SH2B3: variants seen among roughly 807,000 people sequenced by gnomAD.
SH2B3 encodes the protein SH2B adaptor protein 3.
SH2B3 carries 43 observed loss-of-function variants against 51.9 expected under a neutral mutation model. That is an observed-to-expected ratio of 0.83 (90% CI 0.65 to 1.07). SH2B3 has a LOEUF of 1.07. Among genes scored for constraint, SH2B3 ranks in the 50% least tolerant of loss-of-function variants. The probability of loss-of-function intolerance (pLI) is 0.00; values close to 1 mark genes in which losing one functional copy is unlikely to be tolerated. For synonymous variants in SH2B3, 396 were observed against 376.0 expected (o/e 1.05, Z -0.62); for missense variants, 952 against 834.3 (o/e 1.14, Z -1.74).
Position 111,406,468 on chromosome 12 carries a change from C to T in SH2B3, c.-28+191C>T, listed in dbSNP as rs1870255356. Among the ~76,000 whole-genome samples, 1 of 152,206 alleles carries T rather than the reference C, an allele frequency of 6.6e-6. No individual in the cohort carries two copies. Among genetic ancestry groups the T allele is most frequent in the Non-Finnish European group, 1.5e-5 (1 of 68,016 alleles). On this transcript the variant is annotated intron_variant, in intron 1 of 7. Coordinates refer to ENST00000341259, the MANE Select transcript of SH2B3 (RefSeq NM_005475.3). The surrounding 1 kb of genome is among the most constrained non-coding windows in gnomAD (Gnocchi z 5.7). ...CAGCGCCTACGACCCCCCACTCAGC[C>T]ACTACCCCCACCCACACACGTGTTA...
chr12:111,448,704 G>A lies in SH2B3; in HGVS notation c.*402G>A, dbSNP rs1339557422. The A allele has an allele frequency of 2.9e-5, 6 of 208,146 alleles. No homozygotes were observed. The highest frequency in any genetic ancestry group is 5.9e-5 in the Non-Finnish European group (6 of 101,042). The allele number at this position is 208,146 out of a possible 1,614,324, so 12.9% of individuals were successfully genotyped here. On this transcript the variant is annotated 3_prime_UTR_variant, in exon 8 of 8. Coordinates refer to ENST00000341259, the MANE Select transcript of SH2B3 (RefSeq NM_005475.3). ...TACGGGGAGGAGGGGGGGATCATCA[G>A]GAAGCCCAGAACACTAACAAGCGGT...
chr12:111,441,982 A>G (rs955813097), intron 2 of SH2B3, among the ~76,000 whole-genome samples: 1 of 151,990 alleles, frequency 6.6e-6, no homozygotes, highest in African/African-American at 2.4e-5. Flanking sequence ...ACCAGTCTAG[A>G]GTACAGTGGT....
At chr12:111,446,092 C>T (rs1322048477) in intron 2 of SH2B3, among the ~76,000 whole-genome samples, 4 of 152,200 alleles carry the variant, frequency 2.6e-5, no homozygotes, top group African/African-American at 4.8e-5. Context: ...TTTCTTCTTT[C>T]GGCCATCTTT....
In SH2B3 at chr12:111,418,059, C is replaced by A. The variant is rs1871209231; in HGVS notation, c.-27-60C>A. The A allele has an allele frequency of 2.3e-6, 3 of 1,289,508 alleles. No homozygotes were observed. Among genetic ancestry groups the A allele is most frequent in the South Asian group, 1.5e-5 (1 of 66,824 alleles). 79.9% of individuals were successfully genotyped at this position (1,289,508 alleles called of 1,614,324 possible). A position where few individuals can be genotyped will look rare whatever the true frequency, so the allele number is the denominator to read the frequency against. On this transcript the variant is annotated intron_variant, in intron 1 of 7. Transcript: ENST00000341259. The surrounding 1 kb of genome is among the most constrained non-coding windows in gnomAD (Gnocchi z 6.7). The stretch of plus-strand genomic sequence containing the variant: ...CTGTGGTGCCCGGTGTGTAATGGGG[C>A]CTACACCTGCTTGCCCACCTGCTTA...
chr12:111,436,778 C>T (rs1277945380), intron 2 of SH2B3, among the ~76,000 whole-genome samples: 3 of 151,840 alleles, frequency 2.0e-5, no homozygotes, highest in African/African-American at 7.3e-5. Context: ...GTGTCTGTGT[C>T]CCTGTGATTC....
At chr12:111,441,942 T>C (rs2095275836) in intron 2 of SH2B3, among the ~76,000 whole-genome samples, 1 of 152,098 alleles carries the variant, frequency 6.6e-6, no homozygotes, top group African/African-American at 2.4e-5. Flanking sequence ...AGGAATTTTT[T>C]TTTTTTTAAG....
chr12:111,439,243 G>A (rs565100607), intron 2 of SH2B3, among the ~76,000 whole-genome samples: 259 of 151,654 alleles, frequency 1.7e-3, no homozygotes, highest in South Asian at 2.1e-3. Flanking sequence ...TCTGCCTCCT[G>A]GGTTCAAGCG....
At chr12:111,413,639 G>A (rs534265527) in intron 1 of SH2B3, among the ~76,000 whole-genome samples, 2 of 152,338 alleles carry the variant, frequency 1.3e-5, no homozygotes, top group East Asian at 1.9e-4. Flanking sequence ...CCCAGGGGGC[G>A]GGGGAGGTTG....
intron 2 of SH2B3, among the ~76,000 whole-genome samples, chr12:111,431,852 C>T (rs186394164): frequency 1.3e-5 from 2 of 152,316 alleles, no homozygotes; most frequent in East Asian, 3.9e-4. Flanking sequence ...ACAGTCCTCC[C>T]GCCTAGGTCT....
In SH2B3 at chr12:111,435,560, T is replaced by C. The variant is rs1001950058; in HGVS notation, c.733-11193T>C. On this transcript the variant is annotated intron_variant, in intron 2 of 7. Coordinates refer to ENST00000341259, the MANE Select transcript of SH2B3 (RefSeq NM_005475.3). The surrounding 1 kb of genome is among the most constrained non-coding windows in gnomAD (Gnocchi z 4.8). ...TTTTAGTAGAGGCAGGGTTTCACCATGTTGGCCAGGCTGGTCTCGAACTCC... is the reference window on the plus strand; with the variant it reads ...TTTTAGTAGAGGCAGGGTTTCACCACGTTGGCCAGGCTGGTCTCGAACTCC... Among the ~76,000 whole-genome samples, 3 of 152,172 alleles carry C rather than the reference T, an allele frequency of 2.0e-5. No individual in the cohort carries two copies. Among genetic ancestry groups the C allele is most frequent in the Non-Finnish European group, 4.4e-5 (3 of 68,020 alleles).
intron 1 of SH2B3, among the ~76,000 whole-genome samples, chr12:111,408,530 C>A (rs1238542848): frequency 6.6e-6 from 1 of 152,226 alleles, no homozygotes. Context: ...CGCTGTGCCA[C>A]CCCCAGACAT....
intron 2 of SH2B3, among the ~76,000 whole-genome samples, chr12:111,426,161 T>C (rs1222202956): frequency 6.6e-6 from 1 of 152,104 alleles, no homozygotes; most frequent in Non-Finnish European, 1.5e-5. Flanking sequence ...GGCCTCTGCA[T>C]GGTGTTCCTT....
At position 111,435,568 on chromosome 12, in the gene SH2B3, A is replaced by G. The variant is rs1872796859; in HGVS notation, c.733-11185A>G. Among the ~76,000 whole-genome samples, 1 of 152,176 alleles carries G rather than the reference A, an allele frequency of 6.6e-6. No individual in the cohort carries two copies. The highest frequency in any genetic ancestry group is 1.5e-5 in the Non-Finnish European group (1 of 68,034). Reference sequence around the variant, plus strand: ...GAGGCAGGGTTTCACCATGTTGGCCAGGCTGGTCTCGAACTCCTGACCTCA... The same window carrying G: ...GAGGCAGGGTTTCACCATGTTGGCCGGGCTGGTCTCGAACTCCTGACCTCA... On this transcript the variant is annotated intron_variant, in intron 2 of 7. Coordinates refer to ENST00000341259, the MANE Select transcript of SH2B3 (RefSeq NM_005475.3). This position sits in a 1 kb window ranked among gnomAD's most constrained non-coding sequence, Gnocchi z 4.8.
intron 2 of SH2B3, among the ~76,000 whole-genome samples, chr12:111,424,620 C>A (rs926081837): frequency 3.3e-5 from 5 of 152,032 alleles, no homozygotes; most frequent in African/African-American, 1.2e-4. Context: ...GTGGTTGCTG[C>A]GGGGCCTGGG....
Position 111,409,775 on chromosome 12 carries a change from C to T in SH2B3, c.-28+3498C>T, listed in dbSNP as rs746352889. On this transcript the variant is annotated intron_variant, in intron 1 of 7. Transcript: ENST00000341259. The surrounding 1 kb of genome is among the most constrained non-coding windows in gnomAD (Gnocchi z 4.0). Reference sequence around the variant, plus strand: ...CATCTGCTCAATGGGGCCCTGCTGCCGGGGTGACAAGCATCCCTCTACCAG... The same window carrying T: ...CATCTGCTCAATGGGGCCCTGCTGCTGGGGTGACAAGCATCCCTCTACCAG... Among the ~76,000 whole-genome samples the T allele has an allele frequency of 9.2e-5, 14 of 152,194 alleles. No individual in the cohort carries two copies. Among genetic ancestry groups the T allele is most frequent in the Non-Finnish European group, 1.8e-4 (12 of 68,020 alleles).
At chr12:111,444,741 G>A (rs1873763533) in intron 2 of SH2B3, 4 of 985,570 alleles carry the variant, frequency 4.1e-6, no homozygotes, top group South Asian at 4.7e-5. Context: ...CCCTGCAGTG[G>A]CCAGAGCCTG....
In SH2B3 at chr12:111,409,142, G is replaced by C. The variant is rs759578042; in HGVS notation, c.-28+2865G>C. 6.6e-6 allele frequency among the ~76,000 whole-genome samples: 1 copy of C among 152,100 alleles called. No individual in the cohort carries two copies. The highest frequency in any genetic ancestry group is 1.5e-5 in the Non-Finnish European group (1 of 68,024). On this transcript the variant is annotated intron_variant, in intron 1 of 7. Coordinates refer to ENST00000341259, the MANE Select transcript of SH2B3 (RefSeq NM_005475.3). This position sits in a 1 kb window ranked among gnomAD's most constrained non-coding sequence, Gnocchi z 4.0. ...AAGCCAAGAGTTCCAGCCTCCCCAG[G>C]GTTGGGTGTGTGAAGTACAGTGTCA...
At chr12:111,415,055 T>C (rs1260420712) in intron 1 of SH2B3, among the ~76,000 whole-genome samples, 13 of 152,202 alleles carry the variant, frequency 8.5e-5, no homozygotes, top group African/African-American at 2.9e-4. Context: ...TGGCACACAG[T>C]AGGCCCTCAG....
In SH2B3 at chr12:111,446,741, T is replaced by G. The variant is rs368170636; in HGVS notation, c.733-12T>G. 6.7e-7 allele frequency: 1 copy of G among 1,494,520 alleles called. No individual in the cohort carries two copies. The highest frequency in any genetic ancestry group is 2.2e-5 in the Admixed American group (1 of 45,664). 92.6% of individuals were successfully genotyped at this position (1,494,520 alleles called of 1,614,324 possible). ...AGGAACAAGCCTTGAGTACCCCAACTTGGTCTCGTAGAGTTCAAGGCCCAA... is the reference window on the plus strand; with the variant it reads ...AGGAACAAGCCTTGAGTACCCCAACGTGGTCTCGTAGAGTTCAAGGCCCAA... On this transcript the variant is annotated splice_polypyrimidine_tract_variant and intron_variant, in intron 2 of 7. Coordinates refer to ENST00000341259, the MANE Select transcript of SH2B3 (RefSeq NM_005475.3).
Sources: allele counts gnomAD v4.1 joint callset (sites outside exome capture counted in the v4.1 genomes callset), GRCh38; gene constraint gnomAD v4.1.1; non-coding constraint Gnocchi (gnomAD v3.1); transcripts MANE v1.5; gene names NCBI Gene and HGNC (gene_info 2026-07-23, HGNC 2026-07-21).